Variants in IQCK observed in about 807,000 individuals in gnomAD.
IQCK encodes IQ domain-containing protein K.
Under a neutral mutation model 28.1 loss-of-function variants are expected in IQCK, and 29 were observed. The ratio of observed to expected loss-of-function variants is 1.03; its 90% confidence interval spans 0.77 to 1.41. IQCK has a LOEUF of 1.41. IQCK is among the 40% of genes most tolerant of loss of function. IQCK has a pLI of 0.00. For missense variants in IQCK, 359 were observed against 314.7 expected, an observed-to-expected ratio of 1.14 and a Z score of -1.07; for synonymous variants, 113 against 115.1, an observed-to-expected ratio of 0.98 and a Z score of 0.12.
At chr16:19,857,226 C>T (rs147078534) in exon 10 of IQCK, 13 of 278,252 alleles carry the variant, frequency 4.7e-5, no homozygotes, top group African/African-American at 9.3e-5. Context: ...CACAGACCGA[C>T]CCTCAAGGCA....
rs951110071 is a variant in IQCK at position 19,729,654 on chromosome 16, A to T, written c.182-776A>T. Among the ~76,000 whole-genome samples, 15 of 150,098 alleles carry T rather than the reference A, an allele frequency of 1.0e-4. No homozygotes were observed. In the East Asian group the frequency reaches 1.2e-3, roughly 12 times the overall value. On this transcript the variant is annotated intron_variant, in intron 1 of 7. Coordinates refer to ENST00000564186, the Ensembl canonical transcript of IQCK. ...TATTTTATTTATTTATTTATTTTTT[A>T]TTTTTTTTGAGATGGAGTCTCGCTC... is the stretch of plus-strand genomic sequence containing the variant.
chr16:19,818,346 T>TTGTGTG (rs373750645), intron 7 of IQCK, among the ~76,000 whole-genome samples: 2 of 150,532 alleles, frequency 1.3e-5, no homozygotes, highest in Admixed American at 6.6e-5. Context: ...ACACACTACT[T>TTGTGTG]TGTGTGTGTG....
At chr16:19,806,054 T>C (rs1392581808) in intron 7 of IQCK, among the ~76,000 whole-genome samples, 1 of 152,168 alleles carries the variant, frequency 6.6e-6, no homozygotes, top group East Asian at 1.9e-4. Context: ...ACATCTCGGC[T>C]ACTATTTTAG....
At chr16:19,736,421 C>CCTGA (rs1395387243) in intron 4 of IQCK, among the ~76,000 whole-genome samples, 1 of 148,898 alleles carries the variant, frequency 6.7e-6, no homozygotes, top group Non-Finnish European at 1.5e-5. Context: ...CACCACCACG[C>CCTGA]CTGACTGATT....
rs113915928 is a variant in IQCK, at chr16:19,856,808, G to A, written c.*260G>A. ...AGATTACTTCTTCAGTGCCTCAGGA[G>A]TATTCTTCTACACCAGCTGCTGTTA... On this transcript the variant is annotated 3_prime_UTR_variant, in exon 10 of 10. Transcript: ENST00000320394. The A allele has an allele frequency of 3.4e-3, 1,494 of 435,118 alleles. 20 individuals carry two copies. Among genetic ancestry groups the A allele is most frequent in the African/African-American group, 0.027 (1,359 of 49,658 alleles). The allele number at this position is 435,118 out of a possible 1,614,324, so 27.0% of individuals were successfully genotyped here.
intron 7 of IQCK, among the ~76,000 whole-genome samples, chr16:19,823,863 G>A (rs922083934): frequency 7.2e-5 from 11 of 152,084 alleles, no homozygotes; most frequent in African/African-American, 2.7e-4. Context: ...AACCCAGGAG[G>A]CGGAGGTTGC....
chr16:19,762,081 C>T (rs998954341), intron 4 of IQCK: 3 of 152,562 alleles, frequency 2.0e-5, no homozygotes, highest in African/African-American at 7.2e-5. Flanking sequence ...GCAGAATTTT[C>T]TCAGAGGTCC....
At chr16:19,748,235 C>T (rs1189465901) in intron 4 of IQCK, among the ~76,000 whole-genome samples, 3 of 151,912 alleles carry the variant, frequency 2.0e-5, no homozygotes, top group African/African-American at 4.8e-5. Context: ...CCACCAGTCC[C>T]AGCTAATTTT....
Position 19,803,810 on chromosome 16 carries a change from A to G in IQCK, c.690+14888A>G, listed in dbSNP as rs115164106. ...TAGGGCTACAGTTGTACACCACCAC[A>G]AACAGCTAATTTTTTTTGTAGAGAT... On this transcript the variant is annotated intron_variant, in intron 7 of 7. Transcript: ENST00000564186. 3.1e-3 allele frequency among the ~76,000 whole-genome samples: 473 copies of G among 152,156 alleles called. 2 individuals are homozygous for G. Among genetic ancestry groups the G allele is most frequent in the African/African-American group, 0.011 (457 of 41,528 alleles).
At chr16:19,727,694 C>G (rs930602699) in intron 1 of IQCK, among the ~76,000 whole-genome samples, 3 of 151,982 alleles carry the variant, frequency 2.0e-5, no homozygotes, top group African/African-American at 7.3e-5. Flanking sequence ...ATAAGACATC[C>G]CTATGTTATT....
chr16:19,739,505 A>G (rs1445125646), intron 4 of IQCK, among the ~76,000 whole-genome samples: 1 of 152,224 alleles, frequency 6.6e-6, no homozygotes, highest in Non-Finnish European at 1.5e-5. Context: ...TATGATAATC[A>G]TCAGAAATTA....
At chr16:19,735,603 C>A in intron 4 of IQCK, 153 bp downstream of exon 4, 1 of 649,922 alleles carries the variant, frequency 1.5e-6, no homozygotes, top group Non-Finnish European at 2.8e-6. Context: ...CCAGTTCCAG[C>A]CACACCATCT....
chr16:19,857,298 G>C (rs2056574169), exon 10 of IQCK: 3 of 356,812 alleles, frequency 8.4e-6, no homozygotes, highest in South Asian at 6.6e-5. Flanking sequence ...CACGTCTTAA[G>C]TAAATAGTAA....
intron 7 of IQCK, among the ~76,000 whole-genome samples, chr16:19,801,379 ACTGCAG>A: frequency 9.0e-6 from 1 of 111,264 alleles, no homozygotes; most frequent in South Asian, 2.9e-4. Context: ...GTCACAGCTC[ACTGCAG>A]CCTCCGCCTG....
chr16:19,822,084 C>CA (rs1234011581), intron 7 of IQCK, among the ~76,000 whole-genome samples: 570 of 97,344 alleles, frequency 5.9e-3, no homozygotes, highest in African/African-American at 0.016. Context: ...AAAAAAAAAA[C>CA]AAAAAAAAAA....
chr16:19,830,908 T>C (rs1247016546), downstream of IQCK, among the ~76,000 whole-genome samples: 1 of 152,230 alleles, frequency 6.6e-6, no homozygotes, highest in African/African-American at 2.4e-5. Context: ...GTCATGATAG[T>C]ATTATTAAAA....
intron 4 of IQCK, among the ~76,000 whole-genome samples, chr16:19,749,356 T>C (rs2054954977): frequency 6.6e-6 from 1 of 152,236 alleles, no homozygotes; most frequent in Non-Finnish European, 1.5e-5. Flanking sequence ...GAAATTTCAC[T>C]GGAACACAGC....
chr16:19,749,088 C>G (rs962977078), intron 4 of IQCK, among the ~76,000 whole-genome samples: 3 of 152,126 alleles, frequency 2.0e-5, no homozygotes, highest in Non-Finnish European at 4.4e-5. Context: ...ATTTTAGGAA[C>G]AGGAAAAGCC....
exon 8 of IQCK, chr16:19,827,133 A>T (rs1189273408): frequency 6.2e-7 from 1 of 1,606,584 alleles, no homozygotes; most frequent in Non-Finnish European, 8.5e-7. Flanking sequence ...AGCAAGAACA[A>T]AAAGGTAAGT....
Sources: gnomAD v4.1 joint callset for allele counts (sites outside exome capture counted in the v4.1 genomes callset) on GRCh38, gnomAD v4.1.1 for gene constraint, MANE v1.5 for transcripts, NCBI Gene and HGNC (gene_info 2026-07-23, HGNC 2026-07-21) for gene names.